The following SUGCT variants were observed in gnomAD, a reference collection of about 807,000 sequenced individuals.
SUGCT encodes the protein succinyl-CoA:glutarate CoA-transferase.
Under a neutral mutation model 55.0 loss-of-function variants are expected in SUGCT, and 41 were observed. The ratio of observed to expected loss-of-function variants is 0.74; its 90% CI spans 0.58 to 0.97. The LOEUF is 0.97. Ranked by LOEUF, SUGCT falls within the 50% of genes least tolerant of loss-of-function variation. The pLI is 0.00. For missense variants in SUGCT, 568 were observed against 547.8 expected (o/e 1.04, Z -0.37); for synonymous variants, 187 against 200.4 (o/e 0.93, Z 0.56).
chr7:40,497,761 G>A (rs1792062876), intron 12 of SUGCT, among the ~76,000 whole-genome samples: 1 of 151,996 alleles, frequency 6.6e-6, no homozygotes, highest in South Asian at 2.1e-4. Context: ...TTTTTCTGGA[G>A]ATATTTCCTA....
At chr7:40,424,792 C>T (rs1488190260) in intron 9 of SUGCT, among the ~76,000 whole-genome samples, 1 of 152,056 alleles carries the variant, frequency 6.6e-6, no homozygotes, top group Non-Finnish European at 1.5e-5. Context: ...TTCAACTAAG[C>T]TACCATTCTT....
chr7:40,346,284 C>T (rs895744865), intron 9 of SUGCT, among the ~76,000 whole-genome samples: 3 of 151,812 alleles, frequency 2.0e-5, no homozygotes, highest in African/African-American at 7.3e-5. Flanking sequence ...TAGAAATTTG[C>T]CCACTTAATC....
the SUGCT span, chr7:40,964,644 G>A: frequency 6.6e-6 from 1 of 152,192 alleles, no homozygotes. Flanking sequence ...AATGATCCCA[G>A]CTAAATGGGC....
At chr7:40,814,907 C>T (rs1791593294) in intron 13 of SUGCT, among the ~76,000 whole-genome samples, 1 of 152,076 alleles carries the variant, frequency 6.6e-6, no homozygotes, top group Non-Finnish European at 1.5e-5. Context: ...CATTCCCTCC[C>T]TTCCTAGGTG....
At chr7:40,763,646 G>T (rs1788643941) in intron 13 of SUGCT, among the ~76,000 whole-genome samples, 1 of 152,120 alleles carries the variant, frequency 6.6e-6, no homozygotes, top group Non-Finnish European at 1.5e-5. Context: ...CAGAGAATGA[G>T]ATTGGCCAGG....
intron 7 of SUGCT, among the ~76,000 whole-genome samples, chr7:40,244,239 G>A (rs1789663363): frequency 6.6e-6 from 1 of 152,156 alleles, no homozygotes; most frequent in Non-Finnish European, 1.5e-5. Context: ...CTTTAAGGAA[G>A]CGGTGGGACT....
chr7:40,373,048 CATA>C (rs1277003027), intron 9 of SUGCT, among the ~76,000 whole-genome samples: 1 of 151,838 alleles, frequency 6.6e-6, no homozygotes, highest in African/African-American at 2.4e-5. Context: ...AATTGTGTAT[CATA>C]GTAGTAATTA....
chr7:40,908,090 T>C, the SUGCT span, among the ~76,000 whole-genome samples: 1 of 152,016 alleles, frequency 6.6e-6, no homozygotes, highest in Non-Finnish European at 1.5e-5. Context: ...TTTAAAAGTA[T>C]GGACCGGCCG....
chr7:40,323,084 C>G (rs1468096108), intron 9 of SUGCT, among the ~76,000 whole-genome samples: 2 of 152,070 alleles, frequency 1.3e-5, no homozygotes, highest in Non-Finnish European at 2.9e-5. Flanking sequence ...CTGTTATCAC[C>G]TGGACAATTT....
At chr7:40,318,908 A>G (rs2151115905) in intron 9 of SUGCT, among the ~76,000 whole-genome samples, 1 of 152,368 alleles carries the variant, frequency 6.6e-6, no homozygotes, top group South Asian at 2.1e-4. Flanking sequence ...AGCTTTATAT[A>G]GACCTCAGCT....
the SUGCT span, among the ~76,000 whole-genome samples, chr7:40,975,337 T>C: frequency 6.6e-6 from 1 of 152,298 alleles, no homozygotes. Context: ...ATGACTTCCT[T>C]GGGTCCCATA....
chr7:40,628,115 A>T (rs370968006), intron 12 of SUGCT, among the ~76,000 whole-genome samples: 1 of 152,180 alleles, frequency 6.6e-6, no homozygotes. Flanking sequence ...GGAAAATATG[A>T]TATGCAATAA....
At chr7:40,709,255 A>G (rs372863879) in intron 12 of SUGCT, among the ~76,000 whole-genome samples, 3 of 152,246 alleles carry the variant, frequency 2.0e-5, no homozygotes, top group Non-Finnish European at 2.9e-5. Context: ...CCACCAAACA[A>G]TAACTAGCCC....
chr7:40,872,826 T>C, the SUGCT span, among the ~76,000 whole-genome samples: 1 of 152,210 alleles, frequency 6.6e-6, no homozygotes, highest in Non-Finnish European at 1.5e-5. Flanking sequence ...TTAAGAAATA[T>C]CAAGTGAGAG....
At chr7:40,459,017 G>T (rs970267537) in intron 10 of SUGCT, 84 bp from the exon 11 acceptor site, 11 of 790,868 alleles carry the variant, frequency 1.4e-5, no homozygotes, top group Non-Finnish European at 2.1e-5. Flanking sequence ...TGAGAAGGGA[G>T]AGATAGGACC....
At position 40,367,294 on chromosome 7, in the gene SUGCT, A is replaced by G. The variant is rs549154896; in HGVS notation, c.816+50439A>G. On this transcript the variant is annotated intron_variant, in intron 9 of 13. Transcript: ENST00000335693. ...GTGGGGGGAGGGGGGGAGGAATAGC[A>G]TTAGGAGATATACCTAATGCTAAAT... 3.2e-4 allele frequency among the ~76,000 whole-genome samples: 48 copies of G among 151,584 alleles called. 1 individual carries two copies. The South Asian group carries it at 9.7e-3, about 30-fold the overall frequency.
At chr7:40,642,058 C>T (rs1800294060) in intron 12 of SUGCT, among the ~76,000 whole-genome samples, 1 of 152,120 alleles carries the variant, frequency 6.6e-6, no homozygotes, top group Admixed American at 6.5e-5. Context: ...TTTCCCTTCC[C>T]GTGGTCTTTA....
intron 12 of SUGCT, among the ~76,000 whole-genome samples, chr7:40,725,559 G>A (rs950026586): frequency 5.9e-5 from 9 of 151,324 alleles, no homozygotes; most frequent in African/African-American, 2.2e-4. Context: ...ACATTGAGCA[G>A]TAGGGACCTC....
chr7:40,728,346 C>T (rs1786714820), intron 12 of SUGCT, among the ~76,000 whole-genome samples: 1 of 152,098 alleles, frequency 6.6e-6, no homozygotes, highest in Non-Finnish European at 1.5e-5. Flanking sequence ...TGGCGAAACA[C>T]TGTCTCTACT....
Sources: gnomAD v4.1 joint callset for allele counts (sites outside exome capture counted in the v4.1 genomes callset) on GRCh38, gnomAD v4.1.1 for gene constraint, MANE v1.5 for transcripts, NCBI Gene and HGNC (gene_info 2026-07-23, HGNC 2026-07-21) for gene names.